Variants in STMN2 observed in about 807,000 individuals in gnomAD.
STMN2 encodes stathmin-2.
In STMN2, 2 loss-of-function variants were observed where a neutral mutation model predicts 24.1. The observed-to-expected ratio is 0.08, with a 90% CI of 0.03 to 0.26. STMN2 has a LOEUF of 0.26. Among genes scored for constraint, STMN2 ranks in the 10% least tolerant of loss-of-function variants. The pLI is 1.00. For missense variants in STMN2, 114 were observed against 213.6 expected (o/e 0.53, Z 2.91); for synonymous variants, 83 against 77.5 (o/e 1.07, Z -0.37).
At chr8:79,613,539 A>AC in intron 1 of STMN2, 1 of 985,470 alleles carries the variant, frequency 1.0e-6, no homozygotes, top group Non-Finnish European at 1.2e-6. Flanking sequence ...CGCTTTCTGC[A>AC]CCCCTCAGAA....
chr8:79,656,119 G>A (rs1182416494), intron 4 of STMN2, among the ~76,000 whole-genome samples: 2 of 152,158 alleles, frequency 1.3e-5, no homozygotes, highest in Non-Finnish European at 2.9e-5. Context: ...GTCTCTGACT[G>A]CAAATATCCA....
intron 4 of STMN2, among the ~76,000 whole-genome samples, chr8:79,655,539 G>A (rs562292864): frequency 6.6e-6 from 1 of 152,162 alleles, no homozygotes; most frequent in South Asian, 2.1e-4. Flanking sequence ...TATGAACACT[G>A]GTAAGCCCAT....
intron 4 of STMN2, among the ~76,000 whole-genome samples, chr8:79,661,512 C>T (rs998236279): frequency 6.6e-6 from 1 of 152,024 alleles, no homozygotes; most frequent in Non-Finnish European, 1.5e-5. Context: ...TACTGTTGAA[C>T]ATGTCTGATG....
intron 1 of STMN2, among the ~76,000 whole-genome samples, chr8:79,620,542 A>G (rs1809489953): frequency 6.6e-6 from 1 of 152,182 alleles, no homozygotes; most frequent in South Asian, 2.1e-4. Flanking sequence ...GCAGAAAAAA[A>G]GATCCTGTAC....
rs376258117 is a variant in STMN2, at chr8:79,636,913, T to A, written c.115+16T>A. 1.2e-6 allele frequency: 2 copies of A among 1,608,482 alleles called. No individual in the cohort carries two copies. The highest frequency in any genetic ancestry group is 2.7e-5 in the African/African-American group (2 of 74,826). On this transcript the variant is annotated intron_variant, in intron 2 of 4. Transcript: ENST00000220876. ...ACTTACGATGGTGAGTAACCTAGGATAGACATACCCCTGCTAGCTAGATCA... is the reference window on the plus strand; with the variant it reads ...ACTTACGATGGTGAGTAACCTAGGAAAGACATACCCCTGCTAGCTAGATCA...
intron 1 of STMN2, among the ~76,000 whole-genome samples, chr8:79,618,485 G>T (rs984606239): frequency 3.3e-5 from 5 of 152,062 alleles, no homozygotes; most frequent in African/African-American, 4.8e-5. Context: ...ACATTTTGTT[G>T]AATAAAATAA....
chr8:79,661,032 A>G (rs906471179), intron 4 of STMN2, among the ~76,000 whole-genome samples: 5 of 152,024 alleles, frequency 3.3e-5, no homozygotes, highest in African/African-American at 1.2e-4. Flanking sequence ...ACCACATTTT[A>G]TTTATCCACT....
At chr8:79,627,717 A>G (rs1804987788) in intron 1 of STMN2, among the ~76,000 whole-genome samples, 1 of 142,516 alleles carries the variant, frequency 7.0e-6, no homozygotes, top group East Asian at 2.2e-4. Context: ...ATTATGAAAT[A>G]CAAAGAAATT....
intron 1 of STMN2, among the ~76,000 whole-genome samples, chr8:79,631,090 TA>T (rs1349387525): frequency 6.6e-6 from 1 of 152,200 alleles, no homozygotes; most frequent in Non-Finnish European, 1.5e-5. Flanking sequence ...GAACTCTCAT[TA>T]AACACAGCAG....
intron 3 of STMN2, among the ~76,000 whole-genome samples, chr8:79,649,161 A>G (rs1479848963): frequency 6.6e-6 from 1 of 152,214 alleles, no homozygotes; most frequent in Non-Finnish European, 1.5e-5. Flanking sequence ...AATGGAATCC[A>G]GGGAAAGAGG....
intron 2 of STMN2, among the ~76,000 whole-genome samples, chr8:79,638,299 G>A (rs1003832349): frequency 6.6e-6 from 1 of 152,156 alleles, no homozygotes; most frequent in East Asian, 1.9e-4. Flanking sequence ...TTTTTGCTGG[G>A]TTAGGGAATG....
At chr8:79,651,602 C>A (rs1201162944) in intron 3 of STMN2, among the ~76,000 whole-genome samples, 1 of 152,184 alleles carries the variant, frequency 6.6e-6, no homozygotes, top group African/African-American at 2.4e-5. Flanking sequence ...GACTTTGGTT[C>A]TTTCACAAAG....
intron 1 of STMN2, among the ~76,000 whole-genome samples, chr8:79,628,026 A>C (rs1809701296): frequency 6.6e-6 from 1 of 152,082 alleles, no homozygotes; most frequent in Admixed American, 6.6e-5. Context: ...TATTGATTCC[A>C]TATCTTGGGT....
intron 1 of STMN2, chr8:79,620,879 C>A: frequency 1.3e-6 from 1 of 749,242 alleles, no homozygotes; most frequent in African/African-American, 1.9e-5. Flanking sequence ...AAGCAGGTCC[C>A]ATGGATTTGC....
In STMN2 at chr8:79,655,071, A is replaced by G. The variant is rs777712108; in HGVS notation, c.480+9A>G. 3 of 1,613,512 alleles carry G rather than the reference A, an allele frequency of 1.9e-6. No homozygotes were observed. The Admixed American group carries it at 5.0e-5, about 27-fold the overall frequency. ...AACGTCTGCAGGAAAAGGTAATCTC[A>G]GCAGAGTCCTGAGCAGATGGATATA... On this transcript the variant is annotated intron_variant, in intron 4 of 4. Coordinates refer to ENST00000220876, the MANE Select transcript of STMN2 (RefSeq NM_007029.4).
intron 1 of STMN2, among the ~76,000 whole-genome samples, chr8:79,628,139 T>G (rs1809704284): frequency 6.6e-6 from 1 of 152,042 alleles, no homozygotes; most frequent in Non-Finnish European, 1.5e-5. Context: ...TGCTGGATCA[T>G]CTAGTAGTTT....
At position 79,665,020 on chromosome 8, in the gene STMN2, TA is replaced by T. The variant is rs1232185286; in HGVS notation, c.*154del. On this transcript the variant is annotated 3_prime_UTR_variant, in exon 5 of 5. Coordinates refer to ENST00000220876, the MANE Select transcript of STMN2 (RefSeq NM_007029.4). ...AAAAAAAACAAAAAAAATCAAAAAT[TA>T]AAAAAAATCAATGCGGTCTCTTTGC... 20 of 704,118 alleles carry T rather than the reference TA, an allele frequency of 2.8e-5. No individual in the cohort carries two copies. Among genetic ancestry groups the T allele is most frequent in the South Asian group, 4.2e-5 (1 of 23,842 alleles). 43.6% of individuals were successfully genotyped at this position (704,118 alleles called of 1,614,324 possible). A position where few individuals can be genotyped will look rare whatever the true frequency, so the allele number is the denominator to read the frequency against.
intron 1 of STMN2, among the ~76,000 whole-genome samples, chr8:79,623,029 C>T (rs1809555102): frequency 6.6e-6 from 1 of 152,188 alleles, no homozygotes; most frequent in Non-Finnish European, 1.5e-5. Context: ...AAACACCCTT[C>T]CTTCAGCTAG....
At position 79,665,921 on chromosome 8, in the gene STMN2, A is replaced by G. The variant is rs1387167734; in HGVS notation, c.*1047A>G. 6.6e-6 allele frequency: 1 copy of G among 152,220 alleles called. No homozygotes were observed. The highest frequency in any genetic ancestry group is 1.5e-5 in the Non-Finnish European group (1 of 68,062). The allele number at this position is 152,220 out of a possible 1,614,324, so 9.4% of individuals were successfully genotyped here. The stretch of plus-strand genomic sequence containing the variant: ...AATCCTGCCTACTAACAACACCAAC[A>G]ACAAAACACTCCATCTGTGAAGCTG... On this transcript the variant is annotated 3_prime_UTR_variant, in exon 5 of 5. Coordinates refer to ENST00000220876, the MANE Select transcript of STMN2 (RefSeq NM_007029.4).
Sources: gnomAD v4.1 joint callset for allele counts (sites outside exome capture counted in the v4.1 genomes callset) on GRCh38, gnomAD v4.1.1 for gene constraint, MANE v1.5 for transcripts, NCBI Gene and HGNC (gene_info 2026-07-23, HGNC 2026-07-21) for gene names.